OVCH2: variants seen among roughly 807,000 people sequenced by gnomAD.
OVCH2 encodes the protein ovochymase 2.
In OVCH2, 88 loss-of-function variants were observed where a neutral mutation model predicts 73.7. The observed-to-expected ratio is 1.19, with a 90% CI of 1.01 to 1.43. OVCH2 has a LOEUF of 1.43. Ranked by LOEUF, OVCH2 falls within the 40% of genes most tolerant of loss-of-function variation. The probability of loss-of-function intolerance (pLI) is 0.00; values close to 1 mark genes in which losing one functional copy is unlikely to be tolerated. For synonymous variants in OVCH2, 265 were observed against 234.5 expected, an observed-to-expected ratio of 1.13 and a Z score of -1.19; for missense variants, 706 against 674.5, an observed-to-expected ratio of 1.05 and a Z score of -0.52.
intron 4 of OVCH2, 149 bp from the exon 5 acceptor site, chr11:7,701,960 T>A: frequency 1.2e-6 from 1 of 836,640 alleles, no homozygotes; most frequent in South Asian, 1.8e-5. Flanking sequence ...ACTTGTCAAT[T>A]AAAGAAAACC....
rs772150777 is a variant in OVCH2, at chr11:7,706,314, G to A, written c.81C>T (p.Leu27=). The change falls in exon 1 of 16, where the codon CTC becomes CTT. Residue 27 remains leucine, a synonymous_variant. Transcript: ENST00000533663. ...AGTTCATTTGAAACTTACCTTTGGG[G>A]AGCGAAAGAGTTGCAGATTTACCTC... ...FERGKSATLS[L]PKAPSCGQSL... is the part of the protein sequence containing the mutation. 3.8e-6 allele frequency: 6 copies of A among 1,585,558 alleles called. 1 individual carries two copies. In the South Asian group the frequency reaches 4.6e-5, roughly 12 times the overall value.
chr11:7,702,433 T>C, intron 3 of OVCH2, 104 bp from the exon 4 acceptor site: 1 of 886,042 alleles, frequency 1.1e-6, no homozygotes, highest in Non-Finnish European at 1.6e-6. Flanking sequence ...ATAAATAATA[T>C]GGGGTGTGAG....
chr11:7,689,809 G>T (rs1469965032), intron 15 of OVCH2, 115 bp downstream of exon 15: 3 of 720,926 alleles, frequency 4.2e-6, no homozygotes, highest in Admixed American at 2.0e-5. Flanking sequence ...GGTACTGGAG[G>T]TTAGGACTCT....
intron 1 of OVCH2, chr11:7,705,786 A>C (rs1191285707): frequency 6.6e-6 from 1 of 152,342 alleles, no homozygotes; most frequent in African/African-American, 2.4e-5. Context: ...TCAGTAAAGC[A>C]AAGTCAGAAA....
Position 7,690,130 on chromosome 11 carries a change from G to T in OVCH2, c.1640-117C>A. On this transcript the variant is annotated intron_variant, in intron 14 of 15. Transcript: ENST00000533663. The stretch of plus-strand genomic sequence containing the variant: ...AATTCTGGGGCACCTCAGCCAGCTA[G>T]ACTCTATAGGTATTTCAAATGAGGA... 2.9e-6 allele frequency: 2 copies of T among 693,148 alleles called. 1 individual carries two copies. The highest frequency in any genetic ancestry group is 3.8e-5 in the South Asian group (2 of 53,060). The allele number at this position is 693,148 out of a possible 1,614,324, so 42.9% of individuals were successfully genotyped here. A position where few individuals can be genotyped will look rare whatever the true frequency, so the allele number is the denominator to read the frequency against.
chr11:7,689,869 G>T (rs568212727), intron 15 of OVCH2, 55 bp downstream of exon 15: 1 of 1,097,506 alleles, frequency 9.1e-7, no homozygotes, highest in Non-Finnish European at 1.3e-6. Context: ...CTGCTTCTCC[G>T]GTTGAACCCT....
At chr11:7,683,311 C>T in the OVCH2 span, among the ~76,000 whole-genome samples, 4 of 152,148 alleles carry the variant, frequency 2.6e-5, no homozygotes, top group Non-Finnish European at 5.9e-5. Flanking sequence ...TGGTCTATAT[C>T]TTACTTCCAG....
intron 8 of OVCH2, among the ~76,000 whole-genome samples, chr11:7,698,126 C>G (rs748295485): frequency 6.6e-6 from 1 of 152,190 alleles, no homozygotes; most frequent in African/African-American, 2.4e-5. Context: ...ACTCCTCCTT[C>G]CAGTTGCAGC....
chr11:7,704,803 A>C, intron 1 of OVCH2, 129 bp from the exon 2 acceptor site: 1 of 610,548 alleles, frequency 1.6e-6, no homozygotes, highest in Non-Finnish European at 2.9e-6. Flanking sequence ...TTCAGATATC[A>C]ATAAATCTTT....
chr11:7,692,959 CT>C (rs1289124840), intron 12 of OVCH2, among the ~76,000 whole-genome samples: 1 of 152,142 alleles, frequency 6.6e-6, no homozygotes, highest in Non-Finnish European at 1.5e-5. Flanking sequence ...TAGGCATTTA[CT>C]TTTTTTCTTC....
Position 7,702,336 on chromosome 11 carries a change from A to G in OVCH2, c.291-7T>C. 1.3e-6 allele frequency: 2 copies of G among 1,577,098 alleles called. No homozygotes were observed. Among genetic ancestry groups the G allele is most frequent in the Non-Finnish European group, 1.7e-6 (2 of 1,165,274 alleles). ...CAAAGTAGACACAATGTTTCTATGG[A>G]AAGCAAAGAGTAAAATGAATGAATT... On this transcript the variant is annotated splice_polypyrimidine_tract_variant and splice_region_variant and intron_variant, in intron 3 of 15. Coordinates refer to ENST00000533663, the MANE Select transcript of OVCH2 (RefSeq NM_198185.7).
chr11:7,689,552 C>CCT lies in OVCH2; in HGVS notation c.*80_*81dup, dbSNP rs1856180644. 4.4e-6 allele frequency: 2 copies of CCT among 451,924 alleles called. No homozygotes were observed. Among genetic ancestry groups the CCT allele is most frequent in the South Asian group, 3.2e-5 (2 of 62,934 alleles). The allele number at this position is 451,924 out of a possible 1,614,324, so 28.0% of individuals were successfully genotyped here. A position where few individuals can be genotyped will look rare whatever the true frequency, so the allele number is the denominator to read the frequency against. On this transcript the variant is annotated 3_prime_UTR_variant, in exon 16 of 16. Coordinates refer to ENST00000533663, the MANE Select transcript of OVCH2 (RefSeq NM_198185.7). ...GCTGTGACGAGGAGTCTGCCCCAAG[C>CCT]CTCTCCTCTAGCTTCTGGTGGTTTA...
In OVCH2 at chr11:7,689,544, G is replaced by T. The variant is rs1215002463; in HGVS notation, c.*90C>A. The T allele has an allele frequency of 8.9e-6, 4 of 447,472 alleles. No individual in the cohort carries two copies. The highest frequency in any genetic ancestry group is 1.8e-5 in the Non-Finnish European group (4 of 222,604). The allele number at this position is 447,472 out of a possible 1,614,324, so 27.7% of individuals were successfully genotyped here. A position where few individuals can be genotyped will look rare whatever the true frequency, so the allele number is the denominator to read the frequency against. On this transcript the variant is annotated 3_prime_UTR_variant, in exon 16 of 16. Transcript: ENST00000533663. ...GTCTGAGGGCTGTGACGAGGAGTCT[G>T]CCCCAAGCCTCTCCTCTAGCTTCTG...
intron 7 of OVCH2, chr11:7,699,573 T>G (rs889526283): frequency 2.0e-5 from 3 of 152,234 alleles, no homozygotes; most frequent in East Asian, 1.9e-4. Flanking sequence ...ACTGTTATTT[T>G]TATTGTTTTT....
At chr11:7,679,735 A>G in the OVCH2 span, among the ~76,000 whole-genome samples, 10 of 152,328 alleles carry the variant, frequency 6.6e-5, 1 homozygote, top group South Asian at 2.1e-3. Flanking sequence ...AAAATAGACT[A>G]ATACAGAAAG....
chr11:7,698,942 C>CCT (rs777290581), intron 7 of OVCH2, 169 bp from the exon 8 acceptor site: 58 of 615,010 alleles, frequency 9.4e-5, no homozygotes, highest in Non-Finnish European at 1.1e-4. Flanking sequence ...TAGGAAAGGG[C>CCT]CTCTGGTGTT....
chr11:7,700,481 T>A lies in OVCH2; in HGVS notation c.716A>T (p.Asp239Val). The A allele has an allele frequency of 6.2e-7, 1 of 1,601,228 alleles. No individual in the cohort carries two copies. The highest frequency in any genetic ancestry group is 1.1e-5 in the South Asian group (1 of 88,650). ...CCGGCACATGAGTGAACCTCCTGAA[T>A]CTCCCTGCAGAGGGAAAAAGCCTCT... is the stretch of plus-strand genomic sequence containing the variant. ...PDGGRDACQG[D>V]SGGSLMCRNK... The change falls in exon 7 of 16, where the codon GAT (aspartate) becomes GTT (valine). Residue 239 changes from aspartate to valine, a missense_variant. Physicochemically the swap from Asp to Val is radical, Grantham distance 152 (BLOSUM62 -3). Transcript: ENST00000533663.
intron 6 of OVCH2, among the ~76,000 whole-genome samples, chr11:7,701,078 G>A (rs1856428834): frequency 2.0e-5 from 3 of 152,150 alleles, no homozygotes; most frequent in Non-Finnish European, 4.4e-5. Context: ...CCTGGAATCA[G>A]TCTTCCTGCA....
chr11:7,692,458 A>G (rs1276012942), intron 12 of OVCH2, among the ~76,000 whole-genome samples: 1 of 152,140 alleles, frequency 6.6e-6, no homozygotes, highest in African/African-American at 2.4e-5. Context: ...GTGTCTTTCT[A>G]CCCAGCGGGA....
Sources: allele counts gnomAD v4.1 joint callset (sites outside exome capture counted in the v4.1 genomes callset), GRCh38; gene constraint gnomAD v4.1.1; transcripts MANE v1.5; gene names NCBI Gene and HGNC (gene_info 2026-07-23, HGNC 2026-07-21).